Variants in KMT2E observed in about 807,000 individuals in gnomAD.
The protein encoded by KMT2E is histone reader KMT2E.
A neutral mutation model predicts 184.6 loss-of-function variants in KMT2E; 30 were observed. The observed-to-expected ratio is 0.16, with a 90% CI of 0.12 to 0.22. The LOEUF (loss-of-function observed/expected upper bound fraction) is 0.22, where lower values mean the gene tolerates loss of function less well. Among genes scored for constraint, KMT2E ranks in the 10% least tolerant of loss-of-function variants. The pLI is 1.00. For synonymous variants in KMT2E, 815 were observed against 776.5 expected (o/e 1.05, Z -0.82); for missense variants, 2,023 against 2,237.4 (o/e 0.90, Z 1.93).
Position 105,059,978 on chromosome 7 carries a change from G to GTTTTTTTTTTTTTTTTTT in KMT2E, c.72-2170_72-2153dup, listed in dbSNP as rs67291226. 1.3e-3 allele frequency among the ~76,000 whole-genome samples: 66 copies of GTTTTTTTTTTTTTTTTTT among 51,796 alleles called. 16 individuals carry two copies. Among genetic ancestry groups the GTTTTTTTTTTTTTTTTTT allele is most frequent in the South Asian group, 5.3e-3 (5 of 952 alleles). 34.0% of individuals were successfully genotyped at this position (51,796 alleles called of 152,430 possible). On this transcript the variant is annotated intron_variant, in intron 3 of 26. Transcript: ENST00000311117. Reference sequence around the variant, plus strand: ...GCTGAATATTGATTTTCTTGTTGTTGTTTTTTTTTTTTTTTTTTTTTTTTT... The same window carrying GTTTTTTTTTTTTTTTTTT: ...GCTGAATATTGATTTTCTTGTTGTTGTTTTTTTTTTTTTTTTTTTTTTTTTTTTTTTTTTTTTTTTTTT...
chr7:105,050,407 T>C (rs1012434962), intron 3 of KMT2E, among the ~76,000 whole-genome samples: 1 of 152,116 alleles, frequency 6.6e-6, no homozygotes, highest in African/African-American at 2.4e-5. Context: ...TGCAGTCCCC[T>C]CTCCTTTTAA....
intron 13 of KMT2E, among the ~76,000 whole-genome samples, chr7:105,084,554 G>C (rs1797885799): frequency 1.3e-5 from 2 of 151,850 alleles, no homozygotes; most frequent in Non-Finnish European, 2.9e-5. Context: ...TTGAACCTGG[G>C]AAGTGGAGGT....
chr7:105,060,938 G>A (rs1796790770), intron 3 of KMT2E, among the ~76,000 whole-genome samples: 1 of 152,154 alleles, frequency 6.6e-6, no homozygotes, highest in Non-Finnish European at 1.5e-5. Flanking sequence ...ACTCTATCAT[G>A]TTCACACAAC....
Position 105,107,495 on chromosome 7 carries a change from G to A in KMT2E, c.3038G>A (p.Cys1013Tyr). 6.2e-7 allele frequency: 1 copy of A among 1,614,202 alleles called. No homozygotes were observed. Among genetic ancestry groups the A allele is most frequent in the African/African-American group, 1.3e-5 (1 of 75,052 alleles). ...AGTAGGACTGAAGTCAACAGGCAGT[G>A]TCCTGGAGAAAAGGAACCTGTGTCA... is the stretch of plus-strand genomic sequence containing the variant. ...PRSRTEVNRQCPGEKEPVSDL... is the reference protein window; with the variant it reads ...PRSRTEVNRQYPGEKEPVSDL... Residue 1013 changes from cysteine (C) to tyrosine (Y), a missense_variant, in exon 22 of 27, where the codon TGT becomes TAT. Physicochemically the swap from Cys to Tyr is radical, Grantham distance 194. Coordinates refer to ENST00000311117, the MANE Select transcript of KMT2E (RefSeq NM_182931.3).
In KMT2E at chr7:105,107,550, G is replaced by A. The variant is rs969193725; in HGVS notation, c.3093G>A (p.Glu1031=). 2 of 1,613,968 alleles carry A rather than the reference G, an allele frequency of 1.2e-6. No individual in the cohort carries two copies. The highest frequency in any genetic ancestry group is 1.7e-6 in the Non-Finnish European group (2 of 1,180,002). ...SDLQLGLDAV[E]PTALHKTLET... is the part of the protein sequence containing the mutation. The stretch of plus-strand genomic sequence containing the variant: ...TTCAGCTAGGACTCGATGCAGTTGA[G>A]CCAACTGCCCTACATAAAACCCTGG... The change falls in exon 22 of 27, where the codon GAG becomes GAA. Residue 1031 remains glutamate, a synonymous_variant. Transcript: ENST00000311117.
intron 15 of KMT2E, among the ~76,000 whole-genome samples, chr7:105,093,315 A>T (rs932773230): frequency 6.6e-6 from 1 of 152,188 alleles, no homozygotes; most frequent in Non-Finnish European, 1.5e-5. Context: ...GGCTACTTTA[A>T]ATATATATTC....
At chr7:105,015,157 C>T (rs1022084344) in intron 1 of KMT2E, among the ~76,000 whole-genome samples, 2 of 152,138 alleles carry the variant, frequency 1.3e-5, no homozygotes, top group African/African-American at 2.4e-5. Context: ...CAGTCTCCTC[C>T]CCCACTCCTT....
At chr7:105,042,424 G>A (rs752996534) in intron 3 of KMT2E, among the ~76,000 whole-genome samples, 4 of 152,100 alleles carry the variant, frequency 2.6e-5, no homozygotes, top group Non-Finnish European at 4.4e-5. Context: ...TGTTCTGTAA[G>A]TGTTAAGCAG....
At chr7:105,051,089 C>A (rs940787975) in intron 3 of KMT2E, among the ~76,000 whole-genome samples, 1 of 137,352 alleles carries the variant, frequency 7.3e-6, no homozygotes, top group Non-Finnish European at 1.6e-5. Context: ...TTCTTTCTTT[C>A]TTTTTTCTCT....
intron 15 of KMT2E, among the ~76,000 whole-genome samples, chr7:105,100,159 TCA>T (rs1303353668): frequency 2.0e-5 from 3 of 152,316 alleles, no homozygotes; most frequent in Admixed American, 6.5e-5. Context: ...CTCAGTTTCC[TCA>T]GAGTCATGTT....
At chr7:105,110,130 G>T in intron 23 of KMT2E, 150 bp from the exon 24 acceptor site, 1 of 669,164 alleles carries the variant, frequency 1.5e-6, no homozygotes. Flanking sequence ...ACTGTGCCCT[G>T]CCAAGATTAA....
rs147429312 is a variant in KMT2E, at chr7:105,073,653, C to A, written c.532C>A (p.Arg178Ser). The change falls in exon 7 of 27, where the codon CGC becomes AGC. Residue 178 changes from arginine to serine, a missense_variant. Transcript: ENST00000311117. ...TAAAGAGAGGGCAGTGCTACTACAA[C>A]GCCGGAAAAGGGAAAATATGTCAGG... ...LDKERAVLLQ[R>S]RKRENMSDGD... 1 of 1,605,606 alleles carries A rather than the reference C, an allele frequency of 6.2e-7. No homozygotes were observed. Among genetic ancestry groups the A allele is most frequent in the Admixed American group, 1.7e-5 (1 of 59,912 alleles).
At chr7:105,053,894 C>A (rs1439204898) in intron 3 of KMT2E, among the ~76,000 whole-genome samples, 3 of 151,736 alleles carry the variant, frequency 2.0e-5, no homozygotes, top group African/African-American at 7.3e-5. Flanking sequence ...AAGAAACAGG[C>A]GAGGCATGGT....
intron 19 of KMT2E, 125 bp from the exon 20 acceptor site, chr7:105,106,397 T>G (rs1798899104): frequency 1.1e-6 from 1 of 903,566 alleles, no homozygotes; most frequent in South Asian, 1.7e-5. Flanking sequence ...AACCGTGAAA[T>G]TCAGTTTTGG....
chr7:105,081,678 T>G lies in KMT2E; in HGVS notation c.1249-10T>G, dbSNP rs1229688171. 1 of 1,281,318 alleles carries G rather than the reference T, an allele frequency of 7.8e-7. No individual in the cohort carries two copies. The allele number at this position is 1,281,318 out of a possible 1,614,324, so 79.4% of individuals were successfully genotyped here. A position where few individuals can be genotyped will look rare whatever the true frequency, so the allele number is the denominator to read the frequency against. ...AATTTATGGTAATGTACAATTATTT[T>G]AACTTTTAGGTGAGGCATGAAATTC... On this transcript the variant is annotated splice_polypyrimidine_tract_variant and intron_variant, in intron 12 of 26. Transcript: ENST00000311117.
intron 20 of KMT2E, 35 bp from the exon 21 acceptor site, chr7:105,107,131 T>A: frequency 8.6e-7 from 1 of 1,167,116 alleles, no homozygotes; most frequent in Non-Finnish European, 1.2e-6. Context: ...TACGTATTTT[T>A]AAATTTTCAA....
In KMT2E at chr7:105,029,130, G is replaced by A. The variant is rs117528443; in HGVS notation, c.-188-8996G>A. ...AATACAAAAATTAGCCAGTTGTGGT[G>A]GTGCACGCCTGTAATCTAGCTACGT... On this transcript the variant is annotated intron_variant, in intron 1 of 26. Transcript: ENST00000311117. Among the ~76,000 whole-genome samples, 238 of 152,120 alleles carry A rather than the reference G, an allele frequency of 1.6e-3. 6 individuals are homozygous for A. The East Asian group carries it at 0.043, about 28-fold the overall frequency.
chr7:105,078,734 C>G (rs1321878589), intron 11 of KMT2E, 112 bp from the exon 12 acceptor site: 2 of 351,368 alleles, frequency 5.7e-6, no homozygotes, highest in Non-Finnish European at 1.1e-5. Flanking sequence ...TCTTGATCTC[C>G]TGGACTCAAG....
Position 105,107,875 on chromosome 7 carries a change from A to G in KMT2E, c.3418A>G (p.Asn1140Asp), listed in dbSNP as rs757560392. 1.4e-5 allele frequency: 23 copies of G among 1,613,722 alleles called. No homozygotes were observed. Among genetic ancestry groups the G allele is most frequent in the Middle Eastern group, 1.6e-4 (1 of 6,084 alleles). ...VSGFGRTVNDNLIDGNCTPQN... is the reference protein window; with the variant it reads ...VSGFGRTVNDDLIDGNCTPQN... ...TGGTTTCGGACGGACTGTTAATGACAATTTGATCGACGGGAATTGCACACC... is the reference window on the plus strand; with the variant it reads ...TGGTTTCGGACGGACTGTTAATGACGATTTGATCGACGGGAATTGCACACC... Residue 1140 changes from asparagine to aspartate, a missense_variant, in exon 22 of 27, where the codon AAT (asparagine) becomes GAT (aspartate). Transcript: ENST00000311117.
Sources: allele counts gnomAD v4.1 joint callset (sites outside exome capture counted in the v4.1 genomes callset), GRCh38; gene constraint gnomAD v4.1.1; transcripts MANE v1.5; gene names NCBI Gene and HGNC (gene_info 2026-07-23, HGNC 2026-07-21).